NME7: variants seen among roughly 807,000 people sequenced by gnomAD.
NME7 encodes the protein nucleoside diphosphate kinase 7.
A neutral mutation model predicts 49.1 loss-of-function variants in NME7; 41 were observed. The ratio of observed to expected loss-of-function variants is 0.83; its 90% CI spans 0.65 to 1.08. NME7 has a LOEUF of 1.08. NME7 is among the 50% of genes least tolerant of loss of function. NME7 has a pLI of 0.00. For missense variants in NME7, 423 were observed against 463.4 expected (o/e 0.91, Z 0.80); for synonymous variants, 139 against 150.6 (o/e 0.92, Z 0.56).
chr1:169,180,294 G>A (rs1659888027), intron 10 of NME7, among the ~76,000 whole-genome samples: 1 of 152,178 alleles, frequency 6.6e-6, no homozygotes, highest in Non-Finnish European at 1.5e-5. Context: ...TAACAATGAG[G>A]CACTTATATA....
At chr1:169,281,628 T>C (rs1234074826) in intron 7 of NME7, among the ~76,000 whole-genome samples, 1 of 152,226 alleles carries the variant, frequency 6.6e-6, no homozygotes, top group Non-Finnish European at 1.5e-5. Flanking sequence ...ATATGTTCCA[T>C]CAATACCTAG....
chr1:169,329,751 GAGAT>G (rs1652188940), intron 1 of NME7, among the ~76,000 whole-genome samples: 1 of 152,180 alleles, frequency 6.6e-6, no homozygotes, highest in Admixed American at 6.5e-5. Context: ...AGTAGAGAAA[GAGAT>G]AGGGGTAGAA....
At chr1:169,278,506 C>T (rs779111738) in intron 7 of NME7, among the ~76,000 whole-genome samples, 9 of 152,080 alleles carry the variant, frequency 5.9e-5, no homozygotes, top group African/African-American at 1.2e-4. Flanking sequence ...GCATTCTTCA[C>T]GTAGTTCTCG....
At chr1:169,249,588 C>A (rs1648474672) in intron 7 of NME7, among the ~76,000 whole-genome samples, 1 of 151,984 alleles carries the variant, frequency 6.6e-6, no homozygotes, top group Non-Finnish European at 1.5e-5. Flanking sequence ...TTCAACTTTT[C>A]CCCATTTATT....
At position 169,210,870 on chromosome 1, in the gene NME7, C is replaced by T. The variant is rs141741546; in HGVS notation, c.990+19848G>A. Among the ~76,000 whole-genome samples, 189 of 152,240 alleles carry T rather than the reference C, an allele frequency of 1.2e-3. 1 individual carries two copies. Among genetic ancestry groups the T allele is most frequent in the East Asian group, 0.012 (60 of 5,176 alleles). On this transcript the variant is annotated intron_variant, in intron 10 of 11. Coordinates refer to ENST00000367811, the MANE Select transcript of NME7 (RefSeq NM_013330.5). ...TTCTGCTTCATTCCCCTGGCCTCAT[C>T]GGGGCTTCCTTCCCCTTTGTTTGCA...
At position 169,182,174 on chromosome 1, in the gene NME7, T is replaced by TAAAAAAAA. The variant is rs59280361; in HGVS notation, c.991-12628_991-12621dup. 8.5e-3 allele frequency among the ~76,000 whole-genome samples: 1,137 copies of TAAAAAAAA among 133,988 alleles called. 42 individuals carry two copies. In the East Asian group the frequency reaches 0.1, roughly 12 times the overall value. The allele number at this position is 133,988 out of a possible 152,430, so 87.9% of individuals were successfully genotyped here. On this transcript the variant is annotated intron_variant, in intron 10 of 11. Coordinates refer to ENST00000367811, the MANE Select transcript of NME7 (RefSeq NM_013330.5). ...TGCATGCCACCACAACTAGCTAATT[T>TAAAAAAAA]AAAAAAAAAAAAAAACAACTCTGTA...
intron 10 of NME7, among the ~76,000 whole-genome samples, chr1:169,202,857 T>C (rs774223731): frequency 6.6e-6 from 1 of 152,028 alleles, no homozygotes; most frequent in Non-Finnish European, 1.5e-5. Flanking sequence ...CAATGGGTTA[T>C]AGGAGGAGCT....
At chr1:169,344,920 T>C (rs1185160918) in intron 1 of NME7, among the ~76,000 whole-genome samples, 5 of 152,314 alleles carry the variant, frequency 3.3e-5, no homozygotes, top group African/African-American at 1.2e-4. Flanking sequence ...ATTGCTATTA[T>C]TTATTATTTA....
intron 5 of NME7, among the ~76,000 whole-genome samples, chr1:169,301,405 T>C (rs1427577526): frequency 6.6e-6 from 1 of 152,098 alleles, no homozygotes; most frequent in African/African-American, 2.4e-5. Flanking sequence ...ATGGTTATTA[T>C]TAAAAAGTCA....
intron 6 of NME7, among the ~76,000 whole-genome samples, chr1:169,289,674 C>A (rs1650417503): frequency 6.6e-6 from 1 of 152,046 alleles, no homozygotes; most frequent in African/African-American, 2.4e-5. Context: ...CCTTTGATTT[C>A]TTTTCTCGCT....
intron 10 of NME7, among the ~76,000 whole-genome samples, chr1:169,204,332 A>G (rs1660621555): frequency 6.6e-6 from 1 of 151,428 alleles, no homozygotes. Flanking sequence ...TCTTACTTTG[A>G]TCACATGACA....
intron 10 of NME7, among the ~76,000 whole-genome samples, chr1:169,193,520 G>A (rs1434513350): frequency 1.3e-5 from 2 of 152,152 alleles, no homozygotes; most frequent in Non-Finnish European, 2.9e-5. Flanking sequence ...GTCTCAAGAA[G>A]ATTTAAAAAT....
chr1:169,304,008 C>A (rs756978673), intron 4 of NME7, among the ~76,000 whole-genome samples: 12 of 152,082 alleles, frequency 7.9e-5, no homozygotes, highest in Non-Finnish European at 1.3e-4. Context: ...TTTTTAAAAG[C>A]TGCCTGAGAA....
chr1:169,149,338 C>T (rs1025470002), intron 11 of NME7, among the ~76,000 whole-genome samples: 2 of 150,244 alleles, frequency 1.3e-5, no homozygotes, highest in African/African-American at 2.4e-5. Flanking sequence ...AAGACTCCAT[C>T]TCAAAAATAA....
intron 3 of NME7, 141 bp downstream of exon 3, chr1:169,322,976 T>A: frequency 1.6e-6 from 1 of 618,716 alleles, no homozygotes; most frequent in Non-Finnish European, 2.5e-6. Context: ...TTTTTTAAAT[T>A]GAAAAAAAGA....
At chr1:169,212,932 G>C (rs540474088) in intron 10 of NME7, among the ~76,000 whole-genome samples, 13 of 152,070 alleles carry the variant, frequency 8.5e-5, no homozygotes, top group Admixed American at 1.3e-4. Flanking sequence ...CCTGGCTATA[G>C]GTGTCCTTTT....
intron 11 of NME7, among the ~76,000 whole-genome samples, chr1:169,142,098 G>A (rs907145864): frequency 3.9e-5 from 6 of 152,198 alleles, no homozygotes; most frequent in African/African-American, 1.4e-4. Flanking sequence ...TCCAGAGTCT[G>A]TGCCCAGAAT....
At chr1:169,347,785 A>C (rs1652999877) in intron 1 of NME7, among the ~76,000 whole-genome samples, 1 of 152,198 alleles carries the variant, frequency 6.6e-6, no homozygotes, top group Admixed American at 6.5e-5. Context: ...AAAAATACGT[A>C]ATAAATAAGA....
intron 11 of NME7, among the ~76,000 whole-genome samples, chr1:169,165,641 A>G (rs1201211179): frequency 6.6e-6 from 1 of 152,236 alleles, no homozygotes; most frequent in African/African-American, 2.4e-5. Context: ...TCCTAGGAAC[A>G]AAGTGCTCAC....
Sources: allele counts gnomAD v4.1 joint callset (sites outside exome capture counted in the v4.1 genomes callset), GRCh38; gene constraint gnomAD v4.1.1; transcripts MANE v1.5; gene names NCBI Gene and HGNC (gene_info 2026-07-23, HGNC 2026-07-21).